The following ROBO2 variants were observed in gnomAD, a reference collection of about 807,000 sequenced individuals.
The protein encoded by ROBO2 is roundabout homolog 2.
Under a neutral mutation model 160.8 loss-of-function variants are expected in ROBO2, and 53 were observed. That is an observed-to-expected ratio of 0.33 (90% confidence interval 0.26 to 0.41). The LOEUF is 0.41. ROBO2 is among the 10% of genes least tolerant of loss of function. The pLI, the probability that ROBO2 is intolerant of heterozygous loss-of-function variation, is 1.00. For synonymous variants in ROBO2, 664 were observed against 611.7 expected (o/e 1.09, Z -1.26); for missense variants, 1,577 against 1,722.4 (o/e 0.92, Z 1.49).
chr3:75,936,736 T>C (rs1307008945), intron 1 of ROBO2, among the ~76,000 whole-genome samples: 1 of 152,076 alleles, frequency 6.6e-6, no homozygotes, highest in Non-Finnish European at 1.5e-5. Flanking sequence ...TTCAAATGTA[T>C]GAATAAATAA....
chr3:76,616,849 C>G (rs1372092835), intron 2 of ROBO2, among the ~76,000 whole-genome samples: 1 of 152,074 alleles, frequency 6.6e-6, no homozygotes, highest in Non-Finnish European at 1.5e-5. Flanking sequence ...ACAGCTCAAA[C>G]TCCGGGGCCC....
upstream of ROBO2, among the ~76,000 whole-genome samples, chr3:77,038,276 A>T (rs540885796): frequency 6.6e-6 from 1 of 152,334 alleles, no homozygotes; most frequent in East Asian, 1.9e-4. Flanking sequence ...TTTTCTTCAC[A>T]AGTAAATACT....
At chr3:76,097,402 C>G (rs896895269) in intron 2 of ROBO2, among the ~76,000 whole-genome samples, 3 of 152,106 alleles carry the variant, frequency 2.0e-5, no homozygotes, top group African/African-American at 7.2e-5. Context: ...TTGATGCTTC[C>G]GTGCTGGCCA....
At chr3:76,202,009 G>C (rs1516469) in intron 2 of ROBO2, among the ~76,000 whole-genome samples, 50,923 of 151,944 alleles carry the variant, frequency 0.34, 9,423 homozygotes, top group Non-Finnish European at 0.41. Flanking sequence ...GGATACTGCA[G>C]TGGATGAAAA....
At chr3:76,785,287 C>T (rs914475871) in intron 2 of ROBO2, among the ~76,000 whole-genome samples, 1 of 151,018 alleles carries the variant, frequency 6.6e-6, no homozygotes, top group African/African-American at 2.4e-5. Flanking sequence ...AACAAGTGTA[C>T]TGTATTTTAA....
In ROBO2 at chr3:76,448,604, G is replaced by T. The variant is rs566210126; in HGVS notation, c.109+511002G>T. Reference sequence around the variant, plus strand: ...ATAACTGTTACTAAACAGTTCCATGGATATTCATTTCATAGCCATTATAAA... The same window carrying T: ...ATAACTGTTACTAAACAGTTCCATGTATATTCATTTCATAGCCATTATAAA... On this transcript the variant is annotated intron_variant, in intron 2 of 26. Transcript: ENST00000487694. Among the ~76,000 whole-genome samples, 288 of 152,140 alleles carry T rather than the reference G, an allele frequency of 1.9e-3. 3 individuals carry two copies. The highest frequency in any genetic ancestry group is 6.6e-3 in the African/African-American group (275 of 41,508).
intron 2 of ROBO2, among the ~76,000 whole-genome samples, chr3:76,199,866 A>G (rs1276235549): frequency 2.0e-5 from 3 of 152,104 alleles, no homozygotes; most frequent in African/African-American, 4.8e-5. Flanking sequence ...TTTTTCTACT[A>G]TAAAGTTTCT....
intron 2 of ROBO2, among the ~76,000 whole-genome samples, chr3:76,093,033 C>T (rs774724197): frequency 3.9e-5 from 6 of 151,980 alleles, no homozygotes; most frequent in Non-Finnish European, 8.8e-5. Flanking sequence ...TTGAGTAAAA[C>T]GTGGTTGATT....
At chr3:76,003,251 C>CAT (rs1379638206) in intron 2 of ROBO2, among the ~76,000 whole-genome samples, 1 of 152,132 alleles carries the variant, frequency 6.6e-6, no homozygotes. Context: ...TACCAGTGGA[C>CAT]ATAACTACCA....
chr3:76,640,902 AAG>A (rs1387322933), intron 2 of ROBO2, among the ~76,000 whole-genome samples: 2 of 152,216 alleles, frequency 1.3e-5, no homozygotes, highest in Non-Finnish European at 2.9e-5. Context: ...GGCCAAAGCC[AAG>A]ATCATTTGAG....
chr3:76,658,304 A>G (rs1277994030), intron 2 of ROBO2, among the ~76,000 whole-genome samples: 2 of 151,802 alleles, frequency 1.3e-5, no homozygotes, highest in Non-Finnish European at 2.9e-5. Context: ...ATAAAATATG[A>G]TTATACTTTA....
At chr3:75,911,799 G>C (rs1249611091) in intron 1 of ROBO2, among the ~76,000 whole-genome samples, 1 of 151,606 alleles carries the variant, frequency 6.6e-6, no homozygotes, top group Admixed American at 6.6e-5. Context: ...CTCGTGATCC[G>C]CCCGTCTCGG....
chr3:75,964,830 T>A (rs1405444671), intron 2 of ROBO2: 3 of 151,780 alleles, frequency 2.0e-5, no homozygotes, highest in Non-Finnish European at 4.4e-5. Context: ...ATTGTACACA[T>A]GATCTCAAAG....
intron 2 of ROBO2, among the ~76,000 whole-genome samples, chr3:76,195,089 T>C (rs1307510148): frequency 1.3e-5 from 2 of 152,180 alleles, no homozygotes; most frequent in East Asian, 3.9e-4. Flanking sequence ...CTTAATCTCA[T>C]TGAAGAACAA....
chr3:77,454,550 G>A (rs937976046), intron 2 of ROBO2, among the ~76,000 whole-genome samples: 1 of 152,106 alleles, frequency 6.6e-6, no homozygotes, highest in Non-Finnish European at 1.5e-5. Flanking sequence ...TTTATGCTGT[G>A]ACATCACTCT....
At chr3:76,049,110 A>G (rs1018294586) in intron 2 of ROBO2, among the ~76,000 whole-genome samples, 2 of 152,126 alleles carry the variant, frequency 1.3e-5, no homozygotes, top group African/African-American at 2.4e-5. Flanking sequence ...GAGGGACCCT[A>G]AGAGTTTTGG....
At chr3:77,532,420 T>C (rs117411402) in intron 6 of ROBO2, among the ~76,000 whole-genome samples, 1 of 152,238 alleles carries the variant, frequency 6.6e-6, no homozygotes, top group East Asian at 1.9e-4. Flanking sequence ...GTAATATTTC[T>C]AGGACGCAAC....
chr3:77,050,372 T>A (rs1165173734), intron 1 of ROBO2, among the ~76,000 whole-genome samples: 1 of 152,144 alleles, frequency 6.6e-6, no homozygotes, highest in Non-Finnish European at 1.5e-5. Flanking sequence ...CAACAAGCTA[T>A]TACTCAAACG....
intron 1 of ROBO2, among the ~76,000 whole-genome samples, chr3:75,910,391 G>A (rs373870877): frequency 6.6e-6 from 1 of 152,126 alleles, no homozygotes; most frequent in Non-Finnish European, 1.5e-5. Context: ...ATACAAATTT[G>A]TACAAGATAT....
Sources: allele counts gnomAD v4.1 joint callset (sites outside exome capture counted in the v4.1 genomes callset), GRCh38; gene constraint gnomAD v4.1.1; transcripts MANE v1.5; gene names NCBI Gene and HGNC (gene_info 2026-07-23, HGNC 2026-07-21).